DRC3: variants seen among roughly 807,000 people sequenced by gnomAD.
DRC3 encodes dynein regulatory complex subunit 3.
In DRC3, 45 loss-of-function variants were observed where a neutral mutation model predicts 57.6. That is an observed-to-expected ratio of 0.78 (90% CI 0.62 to 1.00). The LOEUF (loss-of-function observed/expected upper bound fraction) is 1.00. Ranked by LOEUF, DRC3 falls within the 50% of genes least tolerant of loss-of-function variation. The probability of loss-of-function intolerance (pLI) is 0.00; values close to 1 mark genes in which losing one functional copy is unlikely to be tolerated. For synonymous variants in DRC3, 257 were observed against 272.3 expected (o/e 0.94, Z 0.55); for missense variants, 655 against 675.2 (o/e 0.97, Z 0.33).
At position 18,000,722 on chromosome 17, in the gene DRC3, T is replaced by C. The variant is rs555139611; in HGVS notation, c.999+3088T>C. ...CAGGCCAGTGTCACAGGCTTCCTCA[T>C]GTTTGCCAATCTGTGCACCCTGAGT... On this transcript the variant is annotated intron_variant, in intron 9 of 13. Transcript: ENST00000399187. 1.4e-4 allele frequency among the ~76,000 whole-genome samples: 21 copies of C among 152,316 alleles called. No homozygotes were observed. The East Asian group carries it at 4.0e-3, about 29-fold the overall frequency.
At chr17:18,000,888 T>C (rs910753681) in intron 9 of DRC3, among the ~76,000 whole-genome samples, 3 of 152,168 alleles carry the variant, frequency 2.0e-5, no homozygotes, top group African/African-American at 7.2e-5. Context: ...TTTCTCTCTC[T>C]CTTCTTAAAT....
intron 3 of DRC3, 196 bp downstream of exon 3, chr17:17,977,954 G>C: frequency 1.9e-6 from 1 of 513,816 alleles, no homozygotes; most frequent in South Asian, 3.0e-5. Flanking sequence ...TTCATCATTT[G>C]AATATCCACG....
intron 1 of DRC3, chr17:17,973,547 C>T (rs1043370169): frequency 7.9e-5 from 12 of 152,176 alleles, no homozygotes; most frequent in Non-Finnish European, 1.5e-5. Flanking sequence ...TTAAATAATG[C>T]ATGTGCACTG....
chr17:17,990,829 A>G (rs1382242948), intron 5 of DRC3, among the ~76,000 whole-genome samples: 4 of 152,106 alleles, frequency 2.6e-5, no homozygotes, highest in Non-Finnish European at 5.9e-5. Context: ...CGTCTCTACT[A>G]AAAATATAAA....
intron 9 of DRC3, among the ~76,000 whole-genome samples, chr17:18,000,381 T>TGTGC (rs200512999): frequency 8.0e-5 from 12 of 150,184 alleles, no homozygotes; most frequent in African/African-American, 2.9e-4. Context: ...TGTGTGTGTG[T>TGTGC]GCATAGCATG....
At chr17:17,996,081 C>T (rs536559190) in intron 8 of DRC3, among the ~76,000 whole-genome samples, 19 of 152,314 alleles carry the variant, frequency 1.2e-4, no homozygotes, top group South Asian at 2.1e-4. Context: ...AGTGCAATTG[C>T]GCAATCTCAG....
chr17:17,977,620 A>T lies in DRC3; in HGVS notation c.22A>T (p.Met8Leu). The T allele has an allele frequency of 6.2e-7, 1 of 1,613,962 alleles. No individual in the cohort carries two copies. Among genetic ancestry groups the T allele is most frequent in the Non-Finnish European group, 8.5e-7 (1 of 1,179,878 alleles). Residue 8 changes from methionine (M) to leucine (L), a missense_variant, in exon 3 of 14, where the codon ATG becomes TTG. Transcript: ENST00000399187. The stretch of plus-strand genomic sequence containing the variant: ...GAAGATGAACCAGCCGTGCAACTCG[A>T]TGGAGCCGAGGGTGATGGACGATGA... MNQPCNS[M>L]EPRVMDDDML...
intron 10 of DRC3, 154 bp downstream of exon 10, chr17:18,004,648 G>T (rs2043879666): frequency 2.8e-6 from 2 of 725,738 alleles, no homozygotes; most frequent in Non-Finnish European, 2.2e-6. Context: ...AGTCCTGTTT[G>T]CTTTTATTAC....
At chr17:18,010,910 T>C in intron 12 of DRC3, 1 of 280,674 alleles carries the variant, frequency 3.6e-6, no homozygotes, top group Non-Finnish European at 7.1e-6. Context: ...ATCATTGACT[T>C]TTTCCTGGGG....
chr17:17,995,045 T>G lies in DRC3; in HGVS notation c.758T>G (p.Met253Arg). 2 of 1,613,948 alleles carry G rather than the reference T, an allele frequency of 1.2e-6. No individual in the cohort carries two copies. Among genetic ancestry groups the G allele is most frequent in the Non-Finnish European group, 1.7e-6 (2 of 1,179,842 alleles). ...AATGGCTCCTTCCTGTTTGACAGCA[T>G]GTACGCTGAGGACTCAGAGGGCAAC... is the stretch of plus-strand genomic sequence containing the variant. ...HLNGSFLFDSMYAEDSEGNNL... is the reference protein window; with the variant it reads ...HLNGSFLFDSRYAEDSEGNNL... The change falls in exon 8 of 14, where the codon ATG (methionine) becomes AGG (arginine). Residue 253 changes from methionine to arginine, a missense_variant. Physicochemically the swap from Met to Arg is moderately conservative, Grantham distance 91. Transcript: ENST00000399187.
chr17:18,003,028 C>T (rs1273438185), intron 9 of DRC3, among the ~76,000 whole-genome samples: 1 of 152,108 alleles, frequency 6.6e-6, no homozygotes, highest in Non-Finnish European at 1.5e-5. Context: ...AGCTTATATA[C>T]TTAGTTGGAC....
chr17:17,978,098 G>A (rs1487432218), intron 3 of DRC3: 1 of 189,532 alleles, frequency 5.3e-6, no homozygotes, highest in Non-Finnish European at 1.1e-5. Flanking sequence ...GTCCCTGGCA[G>A]GCAGAGCCTA....
At chr17:18,016,506 A>G (rs1250087625) in intron 13 of DRC3, 52 bp from the exon 14 acceptor site, 3 of 1,303,856 alleles carry the variant, frequency 2.3e-6, no homozygotes, top group Non-Finnish European at 3.3e-6. Context: ...TCAGTGAAAG[A>G]TATTAACCAA....
chr17:18,005,800 G>A (rs950231997), intron 10 of DRC3: 2 of 241,860 alleles, frequency 8.3e-6, no homozygotes, highest in Non-Finnish European at 1.6e-5. Context: ...AGGCAGTCTA[G>A]CTCTTAACAG....
At chr17:18,004,280 T>G in intron 9 of DRC3, 83 bp from the exon 10 acceptor site, 3 of 1,474,524 alleles carry the variant, frequency 2.0e-6, no homozygotes, top group Non-Finnish European at 2.8e-6. Flanking sequence ...GTCCAAATTC[T>G]TACCCACAAA....
intron 5 of DRC3, among the ~76,000 whole-genome samples, chr17:17,992,328 T>C (rs544090434): frequency 6.6e-6 from 1 of 152,256 alleles, no homozygotes; most frequent in South Asian, 2.1e-4. Context: ...AATAGAAGGG[T>C]ATGCCTATGC....
At chr17:17,997,663 C>T (rs1299000957) in intron 9 of DRC3, 29 bp downstream of exon 9, 2 of 1,546,562 alleles carry the variant, frequency 1.3e-6, no homozygotes, top group Non-Finnish European at 1.7e-6. Context: ...GAGGCCCTCC[C>T]TGTCTCCTGC....
At position 18,007,128 on chromosome 17, in the gene DRC3, T is replaced by C. The variant is rs2043987882; in HGVS notation, c.1307T>C (p.Leu436Pro). 1 of 1,060,316 alleles carries C rather than the reference T, an allele frequency of 9.4e-7. No homozygotes were observed. The highest frequency in any genetic ancestry group is 1.2e-6 in the Non-Finnish European group (1 of 862,988). 65.7% of individuals were successfully genotyped at this position (1,060,316 alleles called of 1,614,324 possible). Residue 436 changes from leucine to proline, a missense_variant, in exon 12 of 14, where the codon CTG becomes CCG. Coordinates refer to ENST00000399187, the MANE Select transcript of DRC3 (RefSeq NM_031294.4). ...GTCGAGGGCGACCTGGACGAGGACC[T>C]GCCTAACGACCTGCGCGCGGTAGGC... ...KIVEGDLDED[L>P]PNDLRALFVD...
intron 3 of DRC3, among the ~76,000 whole-genome samples, chr17:17,981,916 G>A (rs186240533): frequency 2.0e-5 from 3 of 151,704 alleles, no homozygotes; most frequent in East Asian, 1.9e-4. Context: ...TCAAACTCCT[G>A]GTCTCAAGCA....
Sources: gnomAD v4.1 joint callset for allele counts (sites outside exome capture counted in the v4.1 genomes callset) on GRCh38, gnomAD v4.1.1 for gene constraint, MANE v1.5 for transcripts, NCBI Gene and HGNC (gene_info 2026-07-23, HGNC 2026-07-21) for gene names.